The following APLF variants were observed in gnomAD, a reference collection of about 807,000 sequenced individuals.
APLF encodes aprataxin and PNKP like factor, also known as aprataxin and PNK-like factor.
A neutral mutation model predicts 55.6 loss-of-function variants in APLF; 61 were observed. That is an observed-to-expected ratio of 1.10 (90% CI 0.89 to 1.36). The LOEUF (loss-of-function observed/expected upper bound fraction) is 1.36. Among genes scored for constraint, APLF ranks in the 40% most tolerant of loss-of-function variants. The pLI, the probability that APLF is intolerant of heterozygous loss-of-function variation, is 0.00. For synonymous variants in APLF, 207 were observed against 214.8 expected (o/e 0.96, Z 0.32); for missense variants, 611 against 602.5 (o/e 1.01, Z -0.15).
chr2:68,545,268 G>A lies in APLF; in HGVS notation c.1242G>A (p.Glu414=). ...GTGTACAAATCGTGGGCCAAGATGA[G>A]ACTGATGACCGGCCTGAATGTCCCT... ...YGGVQIVGQD[E]TDDRPECPYG... The change falls in exon 8 of 10, where the codon GAG becomes GAA. Residue 414 remains glutamate (E), a synonymous_variant. Transcript: ENST00000303795. The A allele has an allele frequency of 6.2e-7, 1 of 1,613,888 alleles. No homozygotes were observed. The highest frequency in any genetic ancestry group is 1.1e-5 in the South Asian group (1 of 91,066).
At chr2:68,471,258 T>C (rs1374883348) in intron 1 of APLF, among the ~76,000 whole-genome samples, 1 of 148,572 alleles carries the variant, frequency 6.7e-6, no homozygotes, top group Non-Finnish European at 1.5e-5. Flanking sequence ...AAAGATGCAG[T>C]CCTACCAACT....
intron 1 of APLF, among the ~76,000 whole-genome samples, chr2:68,479,517 T>C (rs537423413): frequency 6.6e-6 from 1 of 152,344 alleles, no homozygotes; most frequent in Non-Finnish European, 1.5e-5. Context: ...AGATGAATGC[T>C]TCTGAGCCAG....
intron 8 of APLF, chr2:68,563,271 A>AT (rs1238883063): frequency 2.0e-6 from 2 of 984,716 alleles, no homozygotes; most frequent in African/African-American, 1.8e-5. Context: ...TGTACCTAAC[A>AT]TTTTTTCCCC....
At chr2:68,569,832 T>A (rs531561131) in intron 9 of APLF, among the ~76,000 whole-genome samples, 15 of 152,254 alleles carry the variant, frequency 9.9e-5, no homozygotes, top group African/African-American at 3.4e-4. Flanking sequence ...GAAGTCAGGA[T>A]GACTCAGGAT....
chr2:68,517,216 A>T (rs1669623417), intron 5 of APLF, among the ~76,000 whole-genome samples: 1 of 124,728 alleles, frequency 8.0e-6, no homozygotes, highest in East Asian at 2.3e-4. Context: ...TATGTTATTG[A>T]TATATATAAA....
At chr2:68,535,390 A>G (rs777568172) in intron 6 of APLF, 5 of 372,336 alleles carry the variant, frequency 1.3e-5, no homozygotes, top group Non-Finnish European at 2.7e-5. Context: ...TTTGGTTTGT[A>G]TCCTTCTAAC....
At chr2:68,471,876 T>A (rs2103870839) in intron 1 of APLF, among the ~76,000 whole-genome samples, 1 of 152,292 alleles carries the variant, frequency 6.6e-6, no homozygotes, top group Non-Finnish European at 1.5e-5. Context: ...GACACAGCCC[T>A]CAGGAGGTCC....
intron 6 of APLF, among the ~76,000 whole-genome samples, chr2:68,537,015 A>AT (rs1670410040): frequency 6.6e-6 from 1 of 152,040 alleles, no homozygotes; most frequent in Admixed American, 6.6e-5. Flanking sequence ...AAATACAAAA[A>AT]TTAGCTGGGC....
intron 9 of APLF, among the ~76,000 whole-genome samples, chr2:68,570,957 GTTGTTTCCTGAC>G (rs1476975301): frequency 6.6e-6 from 1 of 152,158 alleles, no homozygotes; most frequent in Non-Finnish European, 1.5e-5. Flanking sequence ...TCCAGCACCT[GTTGTTTCCTGAC>G]TTTTTTATGA....
At chr2:68,558,616 C>T (rs1484759810) in intron 8 of APLF, among the ~76,000 whole-genome samples, 1 of 152,106 alleles carries the variant, frequency 6.6e-6, no homozygotes, top group Non-Finnish European at 1.5e-5. Context: ...TTATGTAAAA[C>T]AGTTCTGTTT....
At chr2:68,513,368 G>A in intron 4 of APLF, 141 bp downstream of exon 4, 2 of 1,251,538 alleles carry the variant, frequency 1.6e-6, no homozygotes. Context: ...AAGCTCTAGA[G>A]AATATGGCAG....
At chr2:68,549,648 C>T (rs1013636162) in intron 8 of APLF, among the ~76,000 whole-genome samples, 11 of 151,990 alleles carry the variant, frequency 7.2e-5, no homozygotes, top group South Asian at 2.1e-4. Context: ...TTATAAATGT[C>T]GATTTGGTCA....
chr2:68,567,303 T>C (rs1408509266), intron 8 of APLF, 38 bp from the exon 9 acceptor site: 1 of 1,565,454 alleles, frequency 6.4e-7, no homozygotes. Flanking sequence ...CTTTTAGTAA[T>C]TGGAAGACTA....
chr2:68,558,802 G>C (rs10200953), intron 8 of APLF, among the ~76,000 whole-genome samples: 16,482 of 151,820 alleles, frequency 0.11, 1,154 homozygotes, highest in African/African-American at 0.19. Context: ...CCTACGCCCC[G>C]ACCACTCACC....
intron 5 of APLF, among the ~76,000 whole-genome samples, chr2:68,517,986 C>T (rs559448497): frequency 2.0e-4 from 26 of 132,864 alleles, no homozygotes; most frequent in Non-Finnish European, 3.5e-4. Flanking sequence ...TAATATATCA[C>T]TAATATGTGT....
intron 6 of APLF, 137 bp from the exon 7 acceptor site, chr2:68,537,735 A>G (rs1670434653): frequency 1.3e-5 from 9 of 681,754 alleles, no homozygotes; most frequent in Non-Finnish European, 2.1e-5. Context: ...AAATAGTGGC[A>G]TTTAAGAACT....
At position 68,467,658 on chromosome 2, in the gene APLF, C is replaced by G. The variant is rs1675469545; in HGVS notation, c.-74C>G. On this transcript the variant is annotated 5_prime_UTR_variant, in exon 1 of 10. Coordinates refer to ENST00000303795, the MANE Select transcript of APLF (RefSeq NM_173545.3). The stretch of plus-strand genomic sequence containing the variant: ...TTTTTTCCCAGGGCGTGGGCTTGCC[C>G]CGCGCGTGTCTGTGGAGGGCGGAAA... The G allele has an allele frequency of 3.4e-6, 4 of 1,177,892 alleles. No homozygotes were observed. The highest frequency in any genetic ancestry group is 2.1e-6 in the Non-Finnish European group (2 of 936,752). The allele number at this position is 1,177,892 out of a possible 1,614,324, so 73.0% of individuals were successfully genotyped here.
chr2:68,548,910 T>C (rs1670782249), intron 8 of APLF, among the ~76,000 whole-genome samples: 1 of 151,992 alleles, frequency 6.6e-6, no homozygotes, highest in Non-Finnish European at 1.5e-5. Context: ...CCCTGTATTA[T>C]TTTGAAGCAA....
intron 6 of APLF, among the ~76,000 whole-genome samples, chr2:68,531,611 A>G (rs1670258941): frequency 6.6e-6 from 1 of 152,218 alleles, no homozygotes. Flanking sequence ...TGGCTCACAT[A>G]TATTTTCCAT....
Sources: allele counts gnomAD v4.1 joint callset (sites outside exome capture counted in the v4.1 genomes callset), GRCh38; gene constraint gnomAD v4.1.1; transcripts MANE v1.5; gene names NCBI Gene and HGNC (gene_info 2026-07-23, HGNC 2026-07-21).